COL1A2: variants seen among roughly 807,000 people sequenced by gnomAD.
The protein encoded by COL1A2 is collagen alpha-2(I) chain.
A neutral mutation model predicts 174.3 loss-of-function variants in COL1A2; 49 were observed. The ratio of observed to expected loss-of-function variants is 0.28; its 90% CI spans 0.22 to 0.36. The LOEUF (loss-of-function observed/expected upper bound fraction) is 0.36, where lower values mean the gene tolerates loss of function less well. Among genes scored for constraint, COL1A2 ranks in the 10% least tolerant of loss-of-function variants. The pLI, the probability that COL1A2 is intolerant of heterozygous loss-of-function variation, is 1.00. For synonymous variants in COL1A2, 655 were observed against 606.6 expected (o/e 1.08, Z -1.17); for missense variants, 1,438 against 1,822.7 (o/e 0.79, Z 3.84).
At chr7:94,409,013 T>G (rs1303759098) in intron 16 of COL1A2, among the ~76,000 whole-genome samples, 190 bp downstream of exon 16, 1 of 152,158 alleles carries the variant, frequency 6.6e-6, no homozygotes, top group East Asian at 1.9e-4. Flanking sequence ...CTCTGCACTG[T>G]GCACTGTGCC....
rs762186557 is a variant in COL1A2, at chr7:94,413,142, T to C, written c.1557+6T>C. On this transcript the variant is annotated splice_donor_region_variant and intron_variant, in intron 26 of 51. Coordinates refer to ENST00000297268, the MANE Select transcript of COL1A2 (RefSeq NM_000089.4). ...CTGGTCTTGCTGGTGCTCGGGTAGG[T>C]GCTAACTTGTGTACAGATCTATTCA... 33 of 1,613,862 alleles carry C rather than the reference T, an allele frequency of 2.0e-5. No homozygotes were observed. In the South Asian group the frequency reaches 3.5e-4, roughly 17 times the overall value.
chr7:94,424,912 G>C (rs997889575), intron 41 of COL1A2: 2 of 602,268 alleles, frequency 3.3e-6, no homozygotes, highest in South Asian at 3.8e-5. Context: ...GCAACATCCC[G>C]TGATTACATA....
chr7:94,427,696 G>C lies in COL1A2; in HGVS notation c.3337G>C (p.Asp1113His). The C allele has an allele frequency of 6.2e-7, 1 of 1,614,134 alleles. No individual in the cohort carries two copies. The highest frequency in any genetic ancestry group is 8.5e-7 in the Non-Finnish European group (1 of 1,180,024). ...VSGGGYDFGY[D>H]GDFYRADQPR... is the part of the protein sequence containing the mutation. ...CGGTGGTGGTTATGACTTTGGTTAC[G>C]ATGGAGACTTCTACAGGGCTGACCA... Residue 1113 changes from aspartate to histidine, a missense_variant, in exon 49 of 52, where the codon GAT (aspartate) becomes CAT (histidine). Asp to His is a moderately conservative substitution (Grantham distance 81, BLOSUM62 -1). Coordinates refer to ENST00000297268, the MANE Select transcript of COL1A2 (RefSeq NM_000089.4).
intron 25 of COL1A2, among the ~76,000 whole-genome samples, 159 bp from the exon 26 acceptor site, chr7:94,412,924 T>G (rs938101255): frequency 6.6e-6 from 1 of 152,218 alleles, no homozygotes; most frequent in Non-Finnish European, 1.5e-5. Flanking sequence ...TACATGGAGC[T>G]GCATGGTGAT....
At chr7:94,420,155 C>T in intron 34 of COL1A2, 78 bp from the exon 35 acceptor site, 11 of 1,581,430 alleles carry the variant, frequency 7.0e-6, no homozygotes, top group Non-Finnish European at 8.7e-6. Context: ...GTCTGTCCAC[C>T]ACTGTTCTCT....
Position 94,420,382 on chromosome 7 carries a change from C to T in COL1A2, c.2134-9C>T. On this transcript the variant is annotated splice_polypyrimidine_tract_variant and intron_variant, in intron 35 of 51. Coordinates refer to ENST00000297268, the MANE Select transcript of COL1A2 (RefSeq NM_000089.4). ...GATAACACATTTTTAAATCCCTTCT[C>T]CCACCTAGGGTGAACGTGGTGAGGT... 6.2e-7 allele frequency: 1 copy of T among 1,614,150 alleles called. No individual in the cohort carries two copies. The highest frequency in any genetic ancestry group is 8.5e-7 in the Non-Finnish European group (1 of 1,180,040).
intron 22 of COL1A2, 21 bp from the exon 23 acceptor site, chr7:94,411,035 T>C: frequency 3.3e-6 from 3 of 898,918 alleles, no homozygotes; most frequent in South Asian, 2.9e-5. Flanking sequence ...CTCTATCTGT[T>C]TTTTTTTTTT....
At chr7:94,409,931 C>G in intron 19 of COL1A2, 110 bp downstream of exon 19, 1 of 1,125,710 alleles carries the variant, frequency 8.9e-7, no homozygotes, top group Non-Finnish European at 1.3e-6. Flanking sequence ...TTTTCTCTTC[C>G]TTAGCATTTT....
At chr7:94,413,169 A>G (rs764426827) in intron 26 of COL1A2, 33 bp downstream of exon 26, 150 of 1,600,830 alleles carry the variant, frequency 9.4e-5, no homozygotes, top group African/African-American at 1.3e-5. Flanking sequence ...ATCTATTCAC[A>G]TAGCATTCAT....
rs751315043 is a variant in COL1A2 at position 94,429,335 on chromosome 7, A to C, written c.3859A>C (p.Lys1287Gln). The change falls in exon 51 of 52, where the codon AAA (lysine) becomes CAA (glutamine). Residue 1287 changes from lysine (K) to glutamine (Q), a missense_variant. Physicochemically the swap from Lys to Gln is moderately conservative, Grantham distance 53 (BLOSUM62 1). Around this residue, in one of 3 missense-constraint regions of COL1A2, gnomAD observed 290 missense variants for 298.1 expected, o/e 0.97. Transcript: ENST00000297268. Reference sequence around the variant, plus strand: ...CATGGATGAGGAGACTGGCAACCTGAAAAAGGCTGTCATTCTACAGGGCTC... The same window carrying C: ...CATGGATGAGGAGACTGGCAACCTGCAAAAGGCTGTCATTCTACAGGGCTC... ...AYMDEETGNL[K>Q]KAVILQGSND... The C allele has an allele frequency of 6.2e-7, 1 of 1,613,888 alleles. No homozygotes were observed. The highest frequency in any genetic ancestry group is 1.1e-5 in the South Asian group (1 of 91,074).
In COL1A2 at chr7:94,399,051, C is replaced by T; in HGVS notation, c.99C>T (p.Gly33=). The T allele has an allele frequency of 1.2e-6, 2 of 1,613,496 alleles. No individual in the cohort carries two copies. The highest frequency in any genetic ancestry group is 1.7e-6 in the Non-Finnish European group (2 of 1,179,584). The change falls in exon 4 of 52, where the codon GGC becomes GGT. Residue 33 remains glycine (G), a splice_region_variant and synonymous_variant. Transcript: ENST00000297268. ...QSLQEETVRK[G]PAGDRGPRGE... ...TCCTGTTTGTATCTTTCCTGTAGGG[C>T]CCAGCCGGAGATAGAGGACCACGTG...
chr7:94,409,969 A>G (rs1367674579), intron 19 of COL1A2, 148 bp downstream of exon 19: 1 of 855,948 alleles, frequency 1.2e-6, no homozygotes, highest in Non-Finnish European at 1.9e-6. Flanking sequence ...ATATATATGT[A>G]CACTCCCGTC....
intron 41 of COL1A2, chr7:94,424,657 A>G (rs2115947656): frequency 3.6e-6 from 2 of 561,556 alleles, no homozygotes; most frequent in East Asian, 6.3e-5. Flanking sequence ...ATTATGCAGA[A>G]TGATTTTTGT....
chr7:94,413,121 T>A lies in COL1A2; in HGVS notation c.1542T>A (p.Gly514=). Residue 514 remains glycine, a synonymous_variant, in exon 26 of 52, where the codon GGT becomes GGA. Transcript: ENST00000297268. ...PGKNGDKGHA[G]LAGARGAPGP... The stretch of plus-strand genomic sequence containing the variant: ...AAAACGGTGATAAAGGTCATGCTGG[T>A]CTTGCTGGTGCTCGGGTAGGTGCTA... The A allele has an allele frequency of 6.2e-7, 1 of 1,614,234 alleles. No homozygotes were observed. The highest frequency in any genetic ancestry group is 8.5e-7 in the Non-Finnish European group (1 of 1,180,044).
In COL1A2 at chr7:94,405,687, C is replaced by A; in HGVS notation, c.501C>A (p.Phe167Leu). ...TTCTTTCTAAGGGTGCTCGTGGTTT[C>A]CCTGGAACTCCTGGACTTCCTGGCT... ...GVVGPQGARGFPGTPGLPGFK... is the reference protein window; with the variant it reads ...GVVGPQGARGLPGTPGLPGFK... Residue 167 changes from phenylalanine (F) to leucine (L), a missense_variant, in exon 11 of 52, where the codon TTC (phenylalanine) becomes TTA (leucine). Phe to Leu is a conservative substitution (Grantham distance 22). Around this residue, in one of 3 missense-constraint regions of COL1A2, gnomAD observed 281 missense variants for 310.9 expected, o/e 0.90. Coordinates refer to ENST00000297268, the MANE Select transcript of COL1A2 (RefSeq NM_000089.4). 6.2e-7 allele frequency: 1 copy of A among 1,613,458 alleles called. No individual in the cohort carries two copies. The highest frequency in any genetic ancestry group is 1.1e-5 in the South Asian group (1 of 91,062).
rs771139732 is a variant in COL1A2, at chr7:94,408,214, G to A, written c.671G>A (p.Arg224His). The part of the protein sequence containing the change: ...GARGLPGERG[R>H]VGAPGPAGAR... ...CGTGGGCTTCCTGGTGAGAGAGGACGTGTTGGTGCCCCTGGCCCAGCTGTA... is the reference window on the plus strand; with the variant it reads ...CGTGGGCTTCCTGGTGAGAGAGGACATGTTGGTGCCCCTGGCCCAGCTGTA... Residue 224 changes from arginine (R) to histidine (H), a missense_variant, in exon 14 of 52, where the codon CGT (arginine) becomes CAT (histidine). Arg to His is a conservative substitution (Grantham distance 29, BLOSUM62 0). Coordinates refer to ENST00000297268, the MANE Select transcript of COL1A2 (RefSeq NM_000089.4). 2.9e-5 allele frequency: 46 copies of A among 1,613,920 alleles called. No homozygotes were observed. The highest frequency in any genetic ancestry group is 2.2e-4 in the Admixed American group (13 of 60,012).
Position 94,410,284 on chromosome 7 carries a change from A to C in COL1A2, c.1078A>C (p.Lys360Gln), listed in dbSNP as rs1791894252. ...TGGCTCCAAAGGAGAGAGCGGTAAC[A>C]AGGGTGAGCCCGTAAGTAGCTCTAT... ...PAGSKGESGN[K>Q]GEPGSAGPQG... The change falls in exon 20 of 52, where the codon AAG becomes CAG. Residue 360 changes from lysine (K) to glutamine (Q), a missense_variant. Physicochemically the swap from Lys to Gln is moderately conservative, Grantham distance 53. This residue lies in a region of COL1A2 where 867 missense variants were observed against 1,213.7 expected (regional missense o/e 0.71). Coordinates refer to ENST00000297268, the MANE Select transcript of COL1A2 (RefSeq NM_000089.4). 1 of 1,614,028 alleles carries C rather than the reference A, an allele frequency of 6.2e-7. No individual in the cohort carries two copies. Among genetic ancestry groups the C allele is most frequent in the Non-Finnish European group, 8.5e-7 (1 of 1,180,024 alleles).
chr7:94,422,898 T>C (rs1792196566), intron 39 of COL1A2, 59 bp from the exon 40 acceptor site: 2 of 1,596,948 alleles, frequency 1.3e-6, no homozygotes, highest in Non-Finnish European at 1.7e-6. Context: ...TCTTTGCTGC[T>C]CTCTTCCAGG....
chr7:94,408,677 T>A, intron 15 of COL1A2, 93 bp from the exon 16 acceptor site: 5 of 1,362,754 alleles, frequency 3.7e-6, no homozygotes, highest in Non-Finnish European at 5.2e-6. Flanking sequence ...AACAGTGTCA[T>A]GCCACTGTAA....
Sources: gnomAD v4.1 joint callset for allele counts (sites outside exome capture counted in the v4.1 genomes callset) on GRCh38, gnomAD v4.1.1 for gene constraint, gnomAD v4.1.1 regional missense constraint, MANE v1.5 for transcripts, NCBI Gene and HGNC (gene_info 2026-07-23, HGNC 2026-07-21) for gene names.